TRPM3: variants seen among roughly 807,000 people sequenced by gnomAD.
The protein encoded by TRPM3 is transient receptor potential cation channel subfamily M member 3.
TRPM3 carries 77 observed loss-of-function variants against 181.2 expected under a neutral mutation model. The ratio of observed to expected loss-of-function variants is 0.42; its 90% confidence interval spans 0.35 to 0.51. The LOEUF (loss-of-function observed/expected upper bound fraction) is 0.51, where lower values mean the gene tolerates loss of function less well. Ranked by LOEUF, TRPM3 falls within the 20% of genes least tolerant of loss-of-function variation. TRPM3 has a pLI of 0.01. For synonymous variants in TRPM3, 745 were observed against 796.4 expected, an observed-to-expected ratio of 0.94 and a Z score of 1.09; for missense variants, 1,759 against 2,196.7, an observed-to-expected ratio of 0.80 and a Z score of 3.98.
In TRPM3 at chr9:71,115,335, C is replaced by T. The variant is rs527407394; in HGVS notation, c.177+5843G>A. 5.9e-5 allele frequency among the ~76,000 whole-genome samples: 9 copies of T among 152,232 alleles called. No individual in the cohort carries two copies. The South Asian group carries it at 1.7e-3, about 28-fold the overall frequency. On this transcript the variant is annotated intron_variant, in intron 1 of 25. Transcript: ENST00000677713. ...CTCAGTCAACACCTCCGAGAGTGGG[C>T]CCTGACTATTTGCTTTTCTGACAAG...
At chr9:71,156,771 A>C (rs922664147) in intron 1 of TRPM3, among the ~76,000 whole-genome samples, 1 of 150,934 alleles carries the variant, frequency 6.6e-6, no homozygotes, top group Non-Finnish European at 1.5e-5. Context: ...CAGGAAAAAT[A>C]TTACCCTCTT....
chr9:71,366,161 C>G (rs570229238), intron 1 of TRPM3, among the ~76,000 whole-genome samples: 1 of 152,098 alleles, frequency 6.6e-6, no homozygotes, highest in Non-Finnish European at 1.5e-5. Flanking sequence ...CAAGAGGTAA[C>G]TTAAAAATTT....
chr9:71,011,258 A>G (rs2097735872), intron 1 of TRPM3, among the ~76,000 whole-genome samples: 1 of 152,104 alleles, frequency 6.6e-6, no homozygotes, highest in Non-Finnish European at 1.5e-5. Flanking sequence ...GCAAATAACA[A>G]TGTATTATAT....
rs57576262 is a variant in TRPM3 at position 70,831,389 on chromosome 9, C to CT, written c.802-3372dup. Among the ~76,000 whole-genome samples, 211 of 132,732 alleles carry CT rather than the reference C, an allele frequency of 1.6e-3. 1 individual carries two copies. The highest frequency in any genetic ancestry group is 8.1e-3 in the South Asian group (34 of 4,172). The allele number at this position is 132,732 out of a possible 152,430, so 87.1% of individuals were successfully genotyped here. On this transcript the variant is annotated intron_variant, in intron 5 of 25. Coordinates refer to ENST00000677713, the MANE Select transcript of TRPM3 (RefSeq NM_001366145.2). ...ATTGTTAAGAGATTGTAAAATAGGA[C>CT]TTTTTTTTTTTTTTTTGGAATTGTG...
At chr9:70,930,802 C>T (rs1453658517) in intron 1 of TRPM3, among the ~76,000 whole-genome samples, 11 of 151,800 alleles carry the variant, frequency 7.2e-5, no homozygotes, top group African/African-American at 2.7e-4. Context: ...TTTAAATGTC[C>T]ATTGAAAAGA....
At chr9:70,955,867 G>A (rs1039835660) in intron 1 of TRPM3, among the ~76,000 whole-genome samples, 4 of 152,140 alleles carry the variant, frequency 2.6e-5, no homozygotes, top group African/African-American at 9.7e-5. Flanking sequence ...GTAACCACGA[G>A]CTCACTGGGG....
At chr9:71,281,451 G>T (rs568647074) in intron 1 of TRPM3, among the ~76,000 whole-genome samples, 1 of 152,058 alleles carries the variant, frequency 6.6e-6, no homozygotes, top group African/African-American at 2.4e-5. Flanking sequence ...CTGGAATAAG[G>T]CTCCTTGGGA....
At chr9:71,308,421 A>G (rs780243840) in intron 1 of TRPM3, among the ~76,000 whole-genome samples, 2 of 152,218 alleles carry the variant, frequency 1.3e-5, no homozygotes. Flanking sequence ...TAATTTAAAC[A>G]TCAATTTGTG....
chr9:70,911,224 C>G (rs1422604267), intron 1 of TRPM3, among the ~76,000 whole-genome samples: 3 of 152,190 alleles, frequency 2.0e-5, no homozygotes, highest in Non-Finnish European at 2.9e-5. Flanking sequence ...TCCTGTGGGT[C>G]ACACTTTGGA....
chr9:71,164,859 A>G (rs1318733309), intron 1 of TRPM3, among the ~76,000 whole-genome samples: 1 of 152,202 alleles, frequency 6.6e-6, no homozygotes, highest in African/African-American at 2.4e-5. Flanking sequence ...AATTGCTTTA[A>G]TGTGCTCAAT....
At chr9:71,010,912 GACACACACACACACACACATAC>G (rs2097729759) in intron 1 of TRPM3, among the ~76,000 whole-genome samples, 1 of 139,354 alleles carries the variant, frequency 7.2e-6, no homozygotes, top group Non-Finnish European at 1.5e-5. Flanking sequence ...TAAAGAAAAT[GACACACACACACACACACATAC>G]ACACACACAC....
At chr9:70,632,590 A>T (rs1433823783) in intron 12 of TRPM3, among the ~76,000 whole-genome samples, 1 of 152,080 alleles carries the variant, frequency 6.6e-6, no homozygotes, top group East Asian at 1.9e-4. Context: ...AGGATAAATT[A>T]TTTCTAGACC....
chr9:70,562,121 TA>T (rs2049256535), intron 22 of TRPM3, among the ~76,000 whole-genome samples: 1 of 152,172 alleles, frequency 6.6e-6, no homozygotes, highest in Non-Finnish European at 1.5e-5. Flanking sequence ...ATTAAGTTTC[TA>T]AAAAATGAGC....
intron 8 of TRPM3, among the ~76,000 whole-genome samples, chr9:70,740,910 A>C (rs1292021079): frequency 8.5e-5 from 13 of 152,242 alleles, no homozygotes; most frequent in Admixed American, 6.5e-4. Context: ...TCAGGCAAAG[A>C]CTTCACGACA....
intron 1 of TRPM3, among the ~76,000 whole-genome samples, chr9:71,140,994 T>C (rs937734024): frequency 2.0e-5 from 3 of 152,220 alleles, no homozygotes; most frequent in Non-Finnish European, 4.4e-5. Context: ...GATAAGACAC[T>C]TGGTATTCAG....
chr9:71,218,269 A>T (rs1022759394), intron 1 of TRPM3, among the ~76,000 whole-genome samples: 1 of 152,198 alleles, frequency 6.6e-6, no homozygotes, highest in African/African-American at 2.4e-5. Context: ...AGACTCAAAA[A>T]CAACAATGAC....
At chr9:71,149,293 C>T (rs1009346268) in intron 1 of TRPM3, among the ~76,000 whole-genome samples, 1 of 152,090 alleles carries the variant, frequency 6.6e-6, no homozygotes, top group Non-Finnish European at 1.5e-5. Context: ...CTCCCAGCTA[C>T]TTGGGAAACT....
intron 1 of TRPM3, among the ~76,000 whole-genome samples, chr9:71,308,383 G>A (rs1054181547): frequency 3.9e-5 from 6 of 152,022 alleles, no homozygotes; most frequent in Non-Finnish European, 8.8e-5. Flanking sequence ...AAAATTGAGG[G>A]GAAGATTAAC....
At chr9:70,978,666 C>T (rs568193820) in intron 1 of TRPM3, among the ~76,000 whole-genome samples, 10 of 152,312 alleles carry the variant, frequency 6.6e-5, no homozygotes, top group South Asian at 2.1e-4. Context: ...TAAGACATTT[C>T]GCTTGGTGTT....
Sources: allele counts gnomAD v4.1 joint callset (sites outside exome capture counted in the v4.1 genomes callset), GRCh38; gene constraint gnomAD v4.1.1; transcripts MANE v1.5; gene names NCBI Gene and HGNC (gene_info 2026-07-23, HGNC 2026-07-21).